LRP1B: variants seen among roughly 807,000 people sequenced by gnomAD.
LRP1B encodes low-density lipoprotein receptor-related protein 1B.
In LRP1B, 217 loss-of-function variants were observed where a neutral mutation model predicts 556.6. That is an observed-to-expected ratio of 0.39 (90% CI 0.35 to 0.44). The LOEUF is 0.44. Ranked by LOEUF, LRP1B falls within the 20% of genes least tolerant of loss-of-function variation. The pLI is 1.00. For synonymous variants in LRP1B, 2,047 were observed against 1,865.8 expected (o/e 1.10, Z -2.50); for missense variants, 5,053 against 5,620.8 (o/e 0.90, Z 3.23).
At position 140,330,227 on chromosome 2, in the gene LRP1B, A is replaced by G. The variant is rs999881620; in HGVS notation, c.12223+4226T>C. Among the ~76,000 whole-genome samples, 3 of 144,912 alleles carry G rather than the reference A, an allele frequency of 2.1e-5. No homozygotes were observed. In the Admixed American group the frequency reaches 2.1e-4, roughly 10 times the overall value. ...TAATAATAATAATAATAATAATAAT[A>G]ATAATAATAATAATATGGAGCCAAA... On this transcript the variant is annotated intron_variant, in intron 79 of 90. Coordinates refer to ENST00000389484, the MANE Select transcript of LRP1B (RefSeq NM_018557.3).
chr2:141,264,898 T>C (rs1684830631), intron 3 of LRP1B, among the ~76,000 whole-genome samples: 2 of 151,776 alleles, frequency 1.3e-5, no homozygotes, highest in African/African-American at 4.8e-5. Flanking sequence ...GGCTATAGAG[T>C]TTCATCCATC....
At chr2:141,975,569 A>G (rs1701863001) in intron 1 of LRP1B, among the ~76,000 whole-genome samples, 1 of 152,144 alleles carries the variant, frequency 6.6e-6, no homozygotes, top group Non-Finnish European at 1.5e-5. Flanking sequence ...TAGTGGCTTA[A>G]GGACCCTTCA....
chr2:142,079,216 CA>C (rs1251781679), intron 1 of LRP1B, among the ~76,000 whole-genome samples: 4 of 152,058 alleles, frequency 2.6e-5, no homozygotes, highest in African/African-American at 9.7e-5. Flanking sequence ...TTACATGAAC[CA>C]TATAGGAACA....
intron 2 of LRP1B, among the ~76,000 whole-genome samples, chr2:141,579,868 T>A (rs1453401093): frequency 6.6e-6 from 1 of 151,662 alleles, no homozygotes; most frequent in African/African-American, 2.4e-5. Context: ...CCCGGCTAAC[T>A]TTTTTGTATT....
chr2:141,910,526 T>G lies in LRP1B; in HGVS notation c.83-100125A>C, dbSNP rs1699881358. 5.3e-5 allele frequency among the ~76,000 whole-genome samples: 8 copies of G among 152,098 alleles called. No individual in the cohort carries two copies. In the South Asian group the frequency reaches 1.7e-3, roughly 32 times the overall value. The stretch of plus-strand genomic sequence containing the variant: ...AGTATTATTAAAATTTGATGCATTT[T>G]GGTAAGATATGGATCCTACTGGCTA... On this transcript the variant is annotated intron_variant, in intron 1 of 90. Coordinates refer to ENST00000389484, the MANE Select transcript of LRP1B (RefSeq NM_018557.3).
intron 29 of LRP1B, among the ~76,000 whole-genome samples, chr2:140,843,066 TGTTTTTTTTTTTTTGTTTG>T (rs780610192): frequency 2.1e-4 from 22 of 105,266 alleles, no homozygotes; most frequent in South Asian, 3.2e-4. Context: ...GTTTTTTTTT[TGTTTTTTTTTTTTTGTTTG>T]TTTTTTTTTT....
intron 80 of LRP1B, among the ~76,000 whole-genome samples, chr2:140,324,448 A>G (rs936801231): frequency 6.6e-6 from 1 of 152,092 alleles, no homozygotes; most frequent in Non-Finnish European, 1.5e-5. Context: ...TCTGGATCAA[A>G]TAAATGATCA....
intron 1 of LRP1B, among the ~76,000 whole-genome samples, chr2:141,896,992 C>T (rs886081390): frequency 5.3e-5 from 8 of 152,080 alleles, no homozygotes; most frequent in South Asian, 2.1e-4. Flanking sequence ...TGTTAGGGTA[C>T]GGCTTCCAGA....
chr2:140,383,173 TA>T, intron 67 of LRP1B, among the ~76,000 whole-genome samples: 1 of 152,280 alleles, frequency 6.6e-6, no homozygotes, highest in African/African-American at 2.4e-5. Flanking sequence ...TATGTTTCAC[TA>T]CTTAATAATA....
chr2:140,861,575 A>G (rs998813858), intron 27 of LRP1B, among the ~76,000 whole-genome samples: 8 of 152,246 alleles, frequency 5.3e-5, no homozygotes, highest in Non-Finnish European at 7.3e-5. Context: ...ATCTGGCTCT[A>G]GACTAAGCTG....
intron 86 of LRP1B, among the ~76,000 whole-genome samples, chr2:140,270,032 G>C (rs1682387000): frequency 6.6e-6 from 1 of 151,952 alleles, no homozygotes. Context: ...ACGATGCTGA[G>C]AACAGAATGA....
intron 15 of LRP1B, among the ~76,000 whole-genome samples, chr2:141,005,118 C>A (rs1697533031): frequency 6.6e-6 from 1 of 151,950 alleles, no homozygotes; most frequent in South Asian, 2.1e-4. Context: ...TACTAAATCA[C>A]CCATAGCAGT....
At chr2:141,340,935 G>A (rs1053647583) in intron 3 of LRP1B, among the ~76,000 whole-genome samples, 3 of 149,252 alleles carry the variant, frequency 2.0e-5, no homozygotes, top group African/African-American at 5.0e-5. Context: ...GCACAGATAC[G>A]CAGATAAGTA....
At chr2:140,536,937 G>A (rs1679930874) in intron 45 of LRP1B, among the ~76,000 whole-genome samples, 1 of 151,184 alleles carries the variant, frequency 6.6e-6, no homozygotes, top group Non-Finnish European at 1.5e-5. Context: ...ACTTTTGGAG[G>A]CTGAGGTGGG....
intron 10 of LRP1B, among the ~76,000 whole-genome samples, chr2:141,051,157 A>G (rs890347708): frequency 2.0e-4 from 30 of 152,050 alleles, no homozygotes; most frequent in Admixed American, 2.0e-3. Context: ...GGAGAAATAG[A>G]AACGCTTTTA....
chr2:140,433,239 A>G lies in LRP1B; in HGVS notation c.10414+9265T>C, dbSNP rs72990633. Among the ~76,000 whole-genome samples, 450 of 152,210 alleles carry G rather than the reference A, an allele frequency of 3.0e-3. 1 individual carries two copies. Among genetic ancestry groups the G allele is most frequent in the African/African-American group, 0.01 (425 of 41,536 alleles). ...CAGTCTCCCGAATAGCTTGGATTAC[A>G]GGCGCACATCACCATGCCCAGCGAA... On this transcript the variant is annotated intron_variant, in intron 66 of 90. Coordinates refer to ENST00000389484, the MANE Select transcript of LRP1B (RefSeq NM_018557.3).
chr2:141,208,605 C>A (rs898319871), intron 6 of LRP1B, among the ~76,000 whole-genome samples: 3 of 152,004 alleles, frequency 2.0e-5, no homozygotes, highest in Non-Finnish European at 4.4e-5. Flanking sequence ...GGGGGGCTCA[C>A]GCCTGTAATC....
chr2:141,849,984 G>GA (rs1440298603), intron 1 of LRP1B, among the ~76,000 whole-genome samples: 7 of 151,738 alleles, frequency 4.6e-5, no homozygotes, highest in African/African-American at 1.4e-4. Context: ...CATTTGTTAA[G>GA]ATCATCTCCA....
intron 2 of LRP1B, among the ~76,000 whole-genome samples, chr2:141,711,685 T>C (rs1171936692): frequency 1.3e-5 from 2 of 152,106 alleles, no homozygotes; most frequent in Admixed American, 1.3e-4. Context: ...CAAAAGTCCT[T>C]AGTTACATTC....
Sources: gnomAD v4.1 joint callset for allele counts (sites outside exome capture counted in the v4.1 genomes callset) on GRCh38, gnomAD v4.1.1 for gene constraint, MANE v1.5 for transcripts, NCBI Gene and HGNC (gene_info 2026-07-23, HGNC 2026-07-21) for gene names.